ACTR3C: variants seen among roughly 807,000 people sequenced by gnomAD.
ACTR3C encodes the protein actin related protein 3C.
Under a neutral mutation model 26.3 loss-of-function variants are expected in ACTR3C, and 18 were observed. The ratio of observed to expected loss-of-function variants is 0.68; its 90% CI spans 0.47 to 1.01. ACTR3C has a LOEUF of 1.01. Among genes scored for constraint, ACTR3C ranks in the 50% least tolerant of loss-of-function variants. The probability of loss-of-function intolerance (pLI) is 0.00; values close to 1 mark genes in which losing one functional copy is unlikely to be tolerated. For missense variants in ACTR3C, 184 were observed against 250.7 expected (o/e 0.73, Z 1.80); for synonymous variants, 55 against 94.5 (o/e 0.58, Z 2.42).
At chr7:150,172,237 A>G in the ACTR3C span, among the ~76,000 whole-genome samples, 1 of 150,720 alleles carries the variant, frequency 6.6e-6, no homozygotes, top group Non-Finnish European at 1.5e-5. Context: ...CTGCTGATAA[A>G]GACATACCCA....
At chr7:150,220,239 T>C in the ACTR3C span, among the ~76,000 whole-genome samples, 13 of 147,732 alleles carry the variant, frequency 8.8e-5, no homozygotes, top group African/African-American at 3.2e-4. Flanking sequence ...GTCGCGGGTC[T>C]CTTACCTTGT....
intron 1 of ACTR3C, among the ~76,000 whole-genome samples, chr7:150,300,429 G>A (rs1361144957): frequency 2.6e-5 from 4 of 152,084 alleles, no homozygotes; most frequent in African/African-American, 9.7e-5. Flanking sequence ...ATCACCCCTG[G>A]AACATGAACA....
At chr7:149,992,803 G>A in the ACTR3C span, among the ~76,000 whole-genome samples, 25 of 152,188 alleles carry the variant, frequency 1.6e-4, no homozygotes, top group Non-Finnish European at 7.3e-5. Context: ...TGCTCACGAG[G>A]TGAAGTCCCA....
chr7:149,907,478 T>TCTTTCTCTCTCTCTCTCTC, the ACTR3C span, among the ~76,000 whole-genome samples: 1 of 97,606 alleles, frequency 1.0e-5, no homozygotes. Context: ...CTCTCTTCTC[T>TCTTTCTCTCTCTCTCTCTC]TCTCTCTCTC....
At chr7:149,883,374 A>G in the ACTR3C span, among the ~76,000 whole-genome samples, 11 of 152,144 alleles carry the variant, frequency 7.2e-5, no homozygotes, top group Non-Finnish European at 1.5e-4. Context: ...ACATCAGTAA[A>G]TATCAGCCTC....
intron 1 of ACTR3C, among the ~76,000 whole-genome samples, chr7:150,315,996 G>C (rs1017432538): frequency 6.6e-6 from 1 of 152,156 alleles, no homozygotes; most frequent in Admixed American, 6.5e-5. Flanking sequence ...TCAGGAGTTC[G>C]AGACCAGCCT....
chr7:150,242,508 T>C (rs911368039), downstream of ACTR3C, among the ~76,000 whole-genome samples: 8 of 151,064 alleles, frequency 5.3e-5, no homozygotes, highest in African/African-American at 1.7e-4. Flanking sequence ...AACTAAAATA[T>C]GTGCATTCTA....
At chr7:150,015,688 C>T in the ACTR3C span, among the ~76,000 whole-genome samples, 1 of 152,324 alleles carries the variant, frequency 6.6e-6, no homozygotes. Flanking sequence ...CTCTCCTACC[C>T]ACATGAATCC....
chr7:149,990,934 C>T, the ACTR3C span, among the ~76,000 whole-genome samples: 6 of 152,316 alleles, frequency 3.9e-5, no homozygotes, highest in East Asian at 1.9e-4. Context: ...GAAAGCGAGT[C>T]GGGGCCATGC....
At chr7:149,959,721 G>A in the ACTR3C span, among the ~76,000 whole-genome samples, 3 of 152,194 alleles carry the variant, frequency 2.0e-5, no homozygotes. Context: ...CATCCTCAAC[G>A]GGGTAGAAAG....
chr7:150,081,255 A>G, the ACTR3C span, among the ~76,000 whole-genome samples: 14 of 151,256 alleles, frequency 9.3e-5, 1 homozygote, highest in Admixed American at 5.2e-4. Flanking sequence ...TAAAGAAAAA[A>G]GGGAAGGAAG....
At chr7:150,261,211 G>A (rs527331780) in intron 6 of ACTR3C, among the ~76,000 whole-genome samples, 323 of 152,192 alleles carry the variant, frequency 2.1e-3, no homozygotes, top group Non-Finnish European at 3.1e-3. Context: ...TGGTGAGACC[G>A]TCACAGGTAT....
intron 1 of ACTR3C, among the ~76,000 whole-genome samples, chr7:150,300,189 A>T (rs1180838564): frequency 6.6e-6 from 1 of 152,062 alleles, no homozygotes; most frequent in Non-Finnish European, 1.5e-5. Context: ...CGTCTCTACT[A>T]AAAATACAAA....
chr7:150,054,892 G>A, the ACTR3C span, among the ~76,000 whole-genome samples: 2 of 152,196 alleles, frequency 1.3e-5, no homozygotes. Flanking sequence ...ATGATCATCA[G>A]TACTCCTCAA....
chr7:150,124,649 GGT>G, the ACTR3C span, among the ~76,000 whole-genome samples: 3 of 151,966 alleles, frequency 2.0e-5, no homozygotes, highest in Non-Finnish European at 4.4e-5. Flanking sequence ...TTTTATTACA[GGT>G]TTGCAGTACA....
At chr7:150,190,109 C>T in the ACTR3C span, among the ~76,000 whole-genome samples, 2 of 152,152 alleles carry the variant, frequency 1.3e-5, no homozygotes, top group Non-Finnish European at 2.9e-5. Context: ...TAATAATACT[C>T]ATAGAGTGGT....
At chr7:150,110,716 G>C in the ACTR3C span, among the ~76,000 whole-genome samples, 1 of 149,560 alleles carries the variant, frequency 6.7e-6, no homozygotes, top group Non-Finnish European at 1.5e-5. Flanking sequence ...GGGACTGCCT[G>C]AGGGTGGGGC....
the ACTR3C span, among the ~76,000 whole-genome samples, chr7:150,121,758 A>G: frequency 6.6e-6 from 1 of 151,862 alleles, no homozygotes; most frequent in African/African-American, 2.4e-5. Context: ...GAACCGAAAA[A>G]AGAGCCCATA....
In ACTR3C at chr7:150,280,032, T is replaced by C. The variant is rs2530928; in HGVS notation, c.564+4721A>G. Among the ~76,000 whole-genome samples, 51 of 152,280 alleles carry C rather than the reference T, an allele frequency of 3.3e-4. No homozygotes were observed. In the South Asian group the frequency reaches 1.0e-2, roughly 30 times the overall value. On this transcript the variant is annotated intron_variant, in intron 6 of 7. Transcript: ENST00000683684. ...CCATTACATTACAAAGCAATTCAAA[T>C]TGGCTTCCCCCTCAAGTAAAGCGTG... is the stretch of plus-strand genomic sequence containing the variant.
Sources: allele counts gnomAD v4.1 joint callset (sites outside exome capture counted in the v4.1 genomes callset), GRCh38; gene constraint gnomAD v4.1.1; transcripts MANE v1.5; gene names NCBI Gene and HGNC (gene_info 2026-07-23, HGNC 2026-07-21).